TRPM4: variants seen among roughly 807,000 people sequenced by gnomAD.
TRPM4 encodes calcium-activated non-selective cation channel 1.
A neutral mutation model predicts 135.6 loss-of-function variants in TRPM4; 124 were observed. The observed-to-expected ratio is 0.91, with a 90% confidence interval of 0.79 to 1.06. The LOEUF is 1.06. TRPM4 is among the 50% of genes least tolerant of loss of function. The probability of loss-of-function intolerance (pLI) is 0.00; values close to 1 mark genes in which losing one functional copy is unlikely to be tolerated. For missense variants in TRPM4, 1,658 were observed against 1,671.4 expected (o/e 0.99, Z 0.14); for synonymous variants, 745 against 705.6 (o/e 1.06, Z -0.88).
rs1568458513 is a variant in TRPM4 at position 49,167,794 on chromosome 19, CTCTCTCTCTGGGTCTCTGT to C, written c.268-122_268-104del. ...TCCCCATCTCTCTGGGTCTCTGTCCCTCTCTCTCTGGGTCTCTGTCCCCGTCTCTCTGGGTCTCTGTCCC... is the reference window on the plus strand; with the variant it reads ...TCCCCATCTCTCTGGGTCTCTGTCCCCCCCGTCTCTCTGGGTCTCTGTCCC... On this transcript the variant is annotated intron_variant, in intron 3 of 24. Coordinates refer to ENST00000252826, the MANE Select transcript of TRPM4 (RefSeq NM_017636.4). 15 of 783,392 alleles carry C rather than the reference CTCTCTCTCTGGGTCTCTGT, an allele frequency of 1.9e-5. 2 individuals are homozygous for C. The highest frequency in any genetic ancestry group is 5.0e-5 in the East Asian group (2 of 39,986). 48.5% of individuals were successfully genotyped at this position (783,392 alleles called of 1,614,324 possible).
Position 49,200,629 on chromosome 19 carries a change from T to G in TRPM4, c.2797T>G (p.Phe933Val). The G allele has an allele frequency of 6.2e-7, 1 of 1,613,506 alleles. No individual in the cohort carries two copies. The highest frequency in any genetic ancestry group is 8.5e-7 in the Non-Finnish European group (1 of 1,179,976). The part of the protein sequence containing the change: ...VSKMMKDVFF[F>V]LFFLGVWLVA... ...CCCACAGATGAAGGACGTGTTCTTC[T>G]TCCTCTTCTTCCTCGGCGTGTGGCT... Residue 933 changes from phenylalanine (F) to valine (V), a missense_variant, in exon 19 of 25, where the codon TTC becomes GTC. By Grantham distance (50) the Phe-to-Val change is conservative (BLOSUM62 -1). Transcript: ENST00000252826.
At chr19:49,189,139 T>A (rs750654081) in intron 14 of TRPM4, 48 bp downstream of exon 14, 2 of 1,612,306 alleles carry the variant, frequency 1.2e-6, no homozygotes, top group Middle Eastern at 1.8e-4. Context: ...AAGTGGACTC[T>A]GGGAAGTATG....
intron 9 of TRPM4, 79 bp downstream of exon 9, chr19:49,172,187 C>T: frequency 1.8e-6 from 2 of 1,112,618 alleles, no homozygotes; most frequent in Non-Finnish European, 1.4e-6. Flanking sequence ...ACTTCATCCA[C>T]CCTCTCTAAT....
Position 49,210,157 on chromosome 19 carries a change from G to A in TRPM4, c.3132-52G>A. 1 of 1,587,252 alleles carries A rather than the reference G, an allele frequency of 6.3e-7. No homozygotes were observed. The highest frequency in any genetic ancestry group is 1.1e-5 in the South Asian group (1 of 90,522). On this transcript the variant is annotated intron_variant, in intron 20 of 24. Transcript: ENST00000252826. This position sits in a 1 kb window ranked among gnomAD's most constrained non-coding sequence, Gnocchi z 4.1. ...TGCCTGGCATCTAACCTTCGTCCTT[G>A]CCCCTGGCTGGGCCCTGACCTCAAG...
intron 17 of TRPM4, among the ~76,000 whole-genome samples, chr19:49,198,926 T>A (rs1016567788): frequency 6.6e-6 from 1 of 151,990 alleles, no homozygotes; most frequent in Non-Finnish European, 1.5e-5. Flanking sequence ...TCCAAAATAA[T>A]AAAAGTTTAC....
At position 49,210,348 on chromosome 19, in the gene TRPM4, C is replaced by CA; in HGVS notation, c.3273dup (p.Leu1092IlefsTer24). 1.2e-6 allele frequency: 2 copies of CA among 1,614,194 alleles called. No homozygotes were observed. The highest frequency in any genetic ancestry group is 4.5e-5 in the East Asian group (2 of 44,884). ...CTCCCACTTGCGCCTCCTGCTCAGGCAATTGTGCAGGCGACCCCGGAGCCC... is the reference window on the plus strand; with the variant it reads ...CTCCCACTTGCGCCTCCTGCTCAGGCAAATTGTGCAGGCGACCCCGGAGCCC... On this transcript the variant is annotated frameshift_variant, in exon 21 of 25. Transcript: ENST00000252826. LOFTEE classifies it high-confidence loss of function. The surrounding 1 kb of genome is among the most constrained non-coding windows in gnomAD (Gnocchi z 4.1).
At chr19:49,199,661 A>G (rs1025538443) in intron 17 of TRPM4, among the ~76,000 whole-genome samples, 3 of 151,594 alleles carry the variant, frequency 2.0e-5, no homozygotes, top group Non-Finnish European at 1.5e-5. Context: ...GTTGGTCTTA[A>G]TATCTTCATA....
At chr19:49,198,301 GT>G (rs1285373864) in intron 17 of TRPM4, among the ~76,000 whole-genome samples, 3 of 152,154 alleles carry the variant, frequency 2.0e-5, no homozygotes, top group African/African-American at 4.8e-5. Flanking sequence ...ATTTTGGACA[GT>G]TTATCAAGCC....
intron 9 of TRPM4, among the ~76,000 whole-genome samples, chr19:49,172,662 C>G (rs1398379719): frequency 6.6e-6 from 1 of 151,050 alleles, no homozygotes; most frequent in Non-Finnish European, 1.5e-5. Flanking sequence ...ATCTACACAT[C>G]CACCGAAAAT....
rs745556327 is a variant in TRPM4 at position 49,168,746 on chromosome 19, C to T, written c.796+10C>T. ...AAGACGGGCGTGGGAGGTGAGTGGT[C>T]GAACCCATGACCCACAACCCACGAC... On this transcript the variant is annotated intron_variant, in intron 6 of 24. Coordinates refer to ENST00000252826, the MANE Select transcript of TRPM4 (RefSeq NM_017636.4). 11 of 1,579,522 alleles carry T rather than the reference C, an allele frequency of 7.0e-6. No homozygotes were observed. Among genetic ancestry groups the T allele is most frequent in the East Asian group, 2.3e-5 (1 of 43,306 alleles).
chr19:49,168,816 T>G, intron 6 of TRPM4, 80 bp downstream of exon 6: 4 of 1,448,156 alleles, frequency 2.8e-6, no homozygotes, highest in Non-Finnish European at 2.8e-6. Flanking sequence ...TAGTTTGGTC[T>G]GGTCGAGATT....
Position 49,188,771 on chromosome 19 carries a change from G to C in TRPM4, c.1873+1G>C. 1 of 1,614,066 alleles carries C rather than the reference G, an allele frequency of 6.2e-7. No homozygotes were observed. The highest frequency in any genetic ancestry group is 1.3e-5 in the African/African-American group (1 of 75,038). On this transcript the variant is annotated splice_donor_variant, in intron 13 of 24. Coordinates refer to ENST00000252826, the MANE Select transcript of TRPM4 (RefSeq NM_017636.4). LOFTEE classifies it high-confidence loss of function. ...TTCAAGTTTGAGGGGATGGGCGTTG[G>C]TGCGTGGGGCACGGTGCCTGGGAGC...
At position 49,168,654 on chromosome 19, in the gene TRPM4, C is replaced by A. The variant is rs763144646; in HGVS notation, c.714C>A (p.Gly238=). Residue 238 remains glycine (G), a synonymous_variant, in exon 6 of 25, where the codon GGC becomes GGA. Coordinates refer to ENST00000252826, the MANE Select transcript of TRPM4 (RefSeq NM_017636.4). ...CGGCCTTCTTCCTGGTGGACGACGG[C>A]ACACACGGCTGCCTGGGGGGCGAGA... The part of the protein sequence containing the change: ...NYSAFFLVDD[G]THGCLGGENR... 1 of 1,613,296 alleles carries A rather than the reference C, an allele frequency of 6.2e-7. No homozygotes were observed. The highest frequency in any genetic ancestry group is 8.5e-7 in the Non-Finnish European group (1 of 1,179,958).
intron 2 of TRPM4, among the ~76,000 whole-genome samples, chr19:49,164,357 TTC>T: frequency 8.8e-6 from 1 of 114,224 alleles, no homozygotes; most frequent in Non-Finnish European, 1.8e-5. Context: ...CTTCCTTTCT[TTC>T]CTTAGTTTTT....
chr19:49,183,889 T>G (rs1600464890), intron 12 of TRPM4, among the ~76,000 whole-genome samples: 1 of 151,634 alleles, frequency 6.6e-6, no homozygotes, highest in Admixed American at 6.6e-5. Flanking sequence ...TTCTCCTGCC[T>G]CAGCCTCCCG....
chr19:49,182,094 G>GTCCATCCA (rs879818462), intron 10 of TRPM4, among the ~76,000 whole-genome samples: 10 of 55,978 alleles, frequency 1.8e-4, no homozygotes, highest in African/African-American at 6.9e-4. Flanking sequence ...CCATCCATCT[G>GTCCATCCA]TCCATCCATC....
chr19:49,194,551 ATTTCCTTCCTTCCTCCTTCCTTCCTTC>A (rs1274343140), intron 16 of TRPM4, among the ~76,000 whole-genome samples: 1 of 145,960 alleles, frequency 6.9e-6, no homozygotes, highest in Non-Finnish European at 1.5e-5. Flanking sequence ...GGCCTCACTT[ATTTCCTTCCTTCCTCCTTCCTTCCTTC>A]TTTCCTTCCT....
intron 17 of TRPM4, among the ~76,000 whole-genome samples, chr19:49,198,964 AG>A (rs1296432457): frequency 6.6e-6 from 1 of 152,088 alleles, no homozygotes; most frequent in Non-Finnish European, 1.5e-5. Flanking sequence ...TATGGGTCAA[AG>A]GGTACATTTA....
At position 49,211,471 on chromosome 19, in the gene TRPM4, C is replaced by T; in HGVS notation, c.3641-23C>T. 2 of 1,614,042 alleles carry T rather than the reference C, an allele frequency of 1.2e-6. No individual in the cohort carries two copies. Among genetic ancestry groups the T allele is most frequent in the South Asian group, 1.1e-5 (1 of 91,090 alleles). On this transcript the variant is annotated intron_variant, in intron 24 of 24. Transcript: ENST00000252826. This position sits in a 1 kb window ranked among gnomAD's most constrained non-coding sequence, Gnocchi z 4.8. ...TCCCCTTCCCTGCCAATCACCTGCT[C>T]TCTCTTTTCTCTCTTCCCCCAGACT...
Sources: allele counts gnomAD v4.1 joint callset (sites outside exome capture counted in the v4.1 genomes callset), GRCh38; gene constraint gnomAD v4.1.1; non-coding constraint Gnocchi (gnomAD v3.1); transcripts MANE v1.5; gene names NCBI Gene and HGNC (gene_info 2026-07-23, HGNC 2026-07-21).